Variants in TMEM131L observed in about 807,000 individuals in gnomAD.
TMEM131L encodes the protein transmembrane protein 131-like.
A neutral mutation model predicts 192.2 loss-of-function variants in TMEM131L; 54 were observed. The observed-to-expected ratio is 0.28, with a 90% CI of 0.23 to 0.35. The LOEUF is 0.35. Among genes scored for constraint, TMEM131L ranks in the 10% least tolerant of loss-of-function variants. The pLI, the probability that TMEM131L is intolerant of heterozygous loss-of-function variation, is 1.00. For synonymous variants in TMEM131L, 701 were observed against 704.9 expected (o/e 0.99, Z 0.09); for missense variants, 1,888 against 1,972.9 (o/e 0.96, Z 0.82).
At chr4:153,600,846 T>C (rs3891364) in intron 21 of TMEM131L, among the ~76,000 whole-genome samples, 47,700 of 152,072 alleles carry the variant, frequency 0.31, 7,632 homozygotes, top group Non-Finnish European at 0.35. Flanking sequence ...CATGGTGGCT[T>C]ATGCCTATAA....
In TMEM131L at chr4:153,596,074, C is replaced by T. The variant is rs550220719; in HGVS notation, c.1996-184C>T. Among the ~76,000 whole-genome samples, 4 of 152,300 alleles carry T rather than the reference C, an allele frequency of 2.6e-5. No individual in the cohort carries two copies. The South Asian group carries it at 8.3e-4, about 32-fold the overall frequency. ...TGTAGTCTCTGCCTATATTTCTTAG[C>T]TATGGCTCAGAAGCTGTTTATTGGA... On this transcript the variant is annotated intron_variant, in intron 19 of 34. Transcript: ENST00000409959.
chr4:153,491,843 A>T (rs1203206005), intron 3 of TMEM131L, among the ~76,000 whole-genome samples: 1 of 152,006 alleles, frequency 6.6e-6, no homozygotes, highest in African/African-American at 2.4e-5. Context: ...AGTAGCTGGG[A>T]CTACAGGCAC....
intron 3 of TMEM131L, among the ~76,000 whole-genome samples, chr4:153,520,740 A>C (rs182019716): frequency 6.6e-6 from 1 of 152,312 alleles, no homozygotes; most frequent in African/African-American, 2.4e-5. Flanking sequence ...AGGAGCAGTT[A>C]TTTCTGTGAC....
At position 153,558,339 on chromosome 4, in the gene TMEM131L, G is replaced by GT; in HGVS notation, c.632dup (p.Gln212ProfsTer14). 1 of 1,607,830 alleles carries GT rather than the reference G, an allele frequency of 6.2e-7. No individual in the cohort carries two copies. The highest frequency in any genetic ancestry group is 8.5e-7 in the Non-Finnish European group (1 of 1,175,284). ...AAATGCTTATTTTCTGCTTCCAAAG[G>GT]TCCAGAGCATTCAGCTGTCTCAAAT... On this transcript the variant is annotated frameshift_variant, in exon 7 of 35. Transcript: ENST00000409959. LOFTEE classifies it high-confidence loss of function.
chr4:153,523,565 G>A (rs1397364337), intron 3 of TMEM131L, among the ~76,000 whole-genome samples: 1 of 152,150 alleles, frequency 6.6e-6, no homozygotes, highest in East Asian at 1.9e-4. Flanking sequence ...AAGAATTGAG[G>A]CTTTAGAAAA....
rs149777559 is a variant in TMEM131L, at chr4:153,583,653, T to C, written c.1041T>C (p.Ile347=). 1.2e-6 allele frequency: 2 copies of C among 1,601,912 alleles called. No homozygotes were observed. Among genetic ancestry groups the C allele is most frequent in the Non-Finnish European group, 1.7e-6 (2 of 1,173,520 alleles). The change falls in exon 11 of 35, where the codon ATT becomes ATC. Residue 347 remains isoleucine (I), a synonymous_variant. Coordinates refer to ENST00000409959, the MANE Select transcript of TMEM131L (RefSeq NM_001131007.2). ...LPTSTTNFTK[I]ASFTCKAATS... The stretch of plus-strand genomic sequence containing the variant: ...CTTCTACAACAAACTTTACAAAAAT[T>C]GCTTCTTTTACCTGCAAAGGTACAG...
intron 3 of TMEM131L, among the ~76,000 whole-genome samples, chr4:153,540,779 C>T (rs1489662100): frequency 2.6e-5 from 4 of 152,294 alleles, no homozygotes; most frequent in African/African-American, 7.2e-5. Context: ...TGAGAACTCA[C>T]GGTTGGTTTT....
At chr4:153,598,474 T>A in intron 20 of TMEM131L, 116 bp from the exon 21 acceptor site, 1 of 956,440 alleles carries the variant, frequency 1.0e-6, no homozygotes. Context: ...TTTTCTTTTT[T>A]AAAACTTCAA....
intron 3 of TMEM131L, among the ~76,000 whole-genome samples, chr4:153,510,631 G>A (rs542041143): frequency 5.3e-5 from 8 of 152,252 alleles, no homozygotes; most frequent in African/African-American, 1.2e-4. Flanking sequence ...TAATCCAAGC[G>A]CTTTGGAAGG....
At chr4:153,566,916 G>C (rs375853443) in intron 7 of TMEM131L, among the ~76,000 whole-genome samples, 3 of 152,224 alleles carry the variant, frequency 2.0e-5, no homozygotes, top group African/African-American at 4.8e-5. Flanking sequence ...TGCTTTCAGC[G>C]TGTGGTGTCA....
chr4:153,556,872 C>T (rs1728500557), intron 5 of TMEM131L, 94 bp from the exon 6 acceptor site: 1 of 679,616 alleles, frequency 1.5e-6, no homozygotes, highest in Admixed American at 2.5e-5. Context: ...ATACAAATGT[C>T]TGTTAACAGA....
intron 1 of TMEM131L, 135 bp downstream of exon 1, chr4:153,466,656 G>A (rs74511273): frequency 0.03 from 25,678 of 866,612 alleles, 557 homozygotes; most frequent in African/African-American, 0.09. Flanking sequence ...AAGCTGTTGC[G>A]ATTCTCCGCT....
At chr4:153,466,582 G>T in intron 1 of TMEM131L, 61 bp downstream of exon 1, 2 of 1,255,000 alleles carry the variant, frequency 1.6e-6, no homozygotes, top group South Asian at 2.7e-5. Flanking sequence ...CTTTCTTTTA[G>T]GGAACTGCTG....
At chr4:153,584,170 G>A (rs1730550368) in intron 11 of TMEM131L, among the ~76,000 whole-genome samples, 1 of 152,214 alleles carries the variant, frequency 6.6e-6, no homozygotes, top group South Asian at 2.1e-4. Flanking sequence ...TGCATGGACA[G>A]CGATGCGAGC....
intron 7 of TMEM131L, among the ~76,000 whole-genome samples, chr4:153,562,884 AAAAG>A (rs1265600673): frequency 6.6e-6 from 1 of 152,242 alleles, no homozygotes; most frequent in African/African-American, 2.4e-5. Flanking sequence ...ATCATTATGA[AAAAG>A]AAAACTGAGA....
At chr4:153,591,328 G>A (rs1731052548) in intron 17 of TMEM131L, 134 bp downstream of exon 17, 2 of 727,338 alleles carry the variant, frequency 2.7e-6, no homozygotes, top group Non-Finnish European at 2.1e-6. Context: ...AACTAGATGA[G>A]CAGTAAAACT....
At chr4:153,558,507 C>T in intron 7 of TMEM131L, 139 bp downstream of exon 7, 3 of 479,738 alleles carry the variant, frequency 6.3e-6, no homozygotes, top group East Asian at 6.0e-5. Context: ...CAGTGGATTC[C>T]ACCTAACTTC....
intron 7 of TMEM131L, among the ~76,000 whole-genome samples, chr4:153,579,617 G>C (rs576618960): frequency 6.6e-6 from 1 of 152,008 alleles, no homozygotes; most frequent in Non-Finnish European, 1.5e-5. Flanking sequence ...GACTATAAGC[G>C]CACATCACCA....
chr4:153,552,429 C>T (rs1165144647), intron 4 of TMEM131L, among the ~76,000 whole-genome samples: 1 of 152,078 alleles, frequency 6.6e-6, no homozygotes, highest in Admixed American at 6.5e-5. Flanking sequence ...TTACAGTTGT[C>T]CCTCGTTATC....
Sources: allele counts gnomAD v4.1 joint callset (sites outside exome capture counted in the v4.1 genomes callset), GRCh38; gene constraint gnomAD v4.1.1; transcripts MANE v1.5; gene names NCBI Gene and HGNC (gene_info 2026-07-23, HGNC 2026-07-21).